Variants in TTC27 observed in about 807,000 individuals in gnomAD.
TTC27 encodes the protein tetratricopeptide repeat protein 27.
A neutral mutation model predicts 115.9 loss-of-function variants in TTC27; 79 were observed. That is an observed-to-expected ratio of 0.68 (90% CI 0.57 to 0.82). TTC27 has a LOEUF of 0.82. Ranked by LOEUF, TTC27 falls within the 40% of genes least tolerant of loss-of-function variation. The pLI is 0.00. For missense variants in TTC27, 1,054 were observed against 993.1 expected (o/e 1.06, Z -0.82); for synonymous variants, 401 against 356.0 (o/e 1.13, Z -1.42).
At chr2:32,709,710 G>A (rs77604433) in intron 10 of TTC27, among the ~76,000 whole-genome samples, 1,911 of 152,248 alleles carry the variant, frequency 0.013, 47 homozygotes, top group African/African-American at 0.044. Context: ...CTCAGGCTAG[G>A]TGCTCTGTAG....
At chr2:32,819,132 T>A (rs937286494) in intron 19 of TTC27, among the ~76,000 whole-genome samples, 15 of 152,248 alleles carry the variant, frequency 9.9e-5, no homozygotes, top group Admixed American at 9.8e-4. Flanking sequence ...TTCTTCAGGG[T>A]ATACTGTGGC....
chr2:32,697,953 G>A (rs1572525248), intron 9 of TTC27, among the ~76,000 whole-genome samples: 1 of 152,046 alleles, frequency 6.6e-6, no homozygotes, highest in South Asian at 2.1e-4. Flanking sequence ...GGGTTTCACT[G>A]TGTTGGCCAG....
rs563759771 is a variant in TTC27, at chr2:32,754,796, G to A, written c.1453-3496G>A. Among the ~76,000 whole-genome samples the A allele has an allele frequency of 3.4e-5, 5 of 145,666 alleles. 1 individual carries two copies. In the South Asian group the frequency reaches 6.9e-4, roughly 20 times the overall value. On this transcript the variant is annotated intron_variant, in intron 12 of 19. Transcript: ENST00000317907. The stretch of plus-strand genomic sequence containing the variant: ...GGCTGACCTCCCCCACCTCCCTCCC[G>A]GACGGGGCGGCTGGCTGGGCGGGGG...
intron 16 of TTC27, among the ~76,000 whole-genome samples, chr2:32,800,944 T>C (rs184415896): frequency 1.4e-4 from 21 of 152,310 alleles, no homozygotes; most frequent in Admixed American, 5.2e-4. Context: ...CAAAAAGCCA[T>C]ACTTCTAAGG....
At chr2:32,685,327 G>A (rs1361363560) in intron 9 of TTC27, among the ~76,000 whole-genome samples, 1 of 152,056 alleles carries the variant, frequency 6.6e-6, no homozygotes, top group Non-Finnish European at 1.5e-5. Flanking sequence ...ACTGCGCCCA[G>A]CCTGCCTGTT....
At chr2:32,809,119 T>C (rs894254950) in intron 16 of TTC27, among the ~76,000 whole-genome samples, 1 of 152,238 alleles carries the variant, frequency 6.6e-6, no homozygotes, top group African/African-American at 2.4e-5. Context: ...ATTAAGACCA[T>C]GAATCTGAGT....
chr2:32,803,588 C>T (rs992696653), intron 16 of TTC27, among the ~76,000 whole-genome samples: 3 of 152,126 alleles, frequency 2.0e-5, no homozygotes, highest in African/African-American at 7.2e-5. Flanking sequence ...TTAACTTTCT[C>T]TTTTTTCAAG....
At chr2:32,652,724 A>G (rs1240089799) in intron 5 of TTC27, among the ~76,000 whole-genome samples, 1 of 152,174 alleles carries the variant, frequency 6.6e-6, no homozygotes, top group Non-Finnish European at 1.5e-5. Flanking sequence ...GCATGATTTC[A>G]TTTTTAAAAT....
At chr2:32,645,970 C>A (rs1664840769) in intron 4 of TTC27, among the ~76,000 whole-genome samples, 1 of 151,870 alleles carries the variant, frequency 6.6e-6, no homozygotes. Context: ...CTGCTTGCCT[C>A]AGCCTCCCAA....
At chr2:32,805,761 T>C (rs1671111108) in intron 16 of TTC27, among the ~76,000 whole-genome samples, 1 of 152,208 alleles carries the variant, frequency 6.6e-6, no homozygotes, top group South Asian at 2.1e-4. Flanking sequence ...TTGTAATAGT[T>C]TATATGTTTA....
chr2:32,720,761 T>G (rs770339368), intron 10 of TTC27, among the ~76,000 whole-genome samples: 4 of 152,258 alleles, frequency 2.6e-5, no homozygotes, highest in Non-Finnish European at 4.4e-5. Flanking sequence ...ATATGTTCAC[T>G]CTGTATTTTT....
chr2:32,738,483 C>T (rs1355139666), intron 12 of TTC27, among the ~76,000 whole-genome samples: 1 of 152,158 alleles, frequency 6.6e-6, no homozygotes. Flanking sequence ...CAATTGATGG[C>T]ATCTTCCATT....
intron 9 of TTC27, among the ~76,000 whole-genome samples, chr2:32,701,279 C>G (rs1189925824): frequency 3.3e-5 from 5 of 152,288 alleles, no homozygotes; most frequent in African/African-American, 1.2e-4. Context: ...ACTCCTCTTC[C>G]TTCACCATCT....
Position 32,777,893 on chromosome 2 carries a change from G to A in TTC27, c.1692G>A (p.Trp564Ter), listed in dbSNP as rs778891641. ...VKINPMQLGV[W>*]FSLGCAYLAL... is the part of the protein sequence containing the mutation. The stretch of plus-strand genomic sequence containing the variant: ...TTTGGTCTTTGCAGCTCGGGGTGTG[G>A]TTTTCTCTCGGTTGTGCCTATTTGG... Residue 564 changes from tryptophan to a stop codon, truncating the protein, a stop_gained, in exon 14 of 20, where the codon TGG becomes TGA. Coordinates refer to ENST00000317907, the MANE Select transcript of TTC27 (RefSeq NM_017735.5). LOFTEE classifies it high-confidence loss of function. 1 of 1,613,994 alleles carries A rather than the reference G, an allele frequency of 6.2e-7. No individual in the cohort carries two copies. The highest frequency in any genetic ancestry group is 8.5e-7 in the Non-Finnish European group (1 of 1,179,958).
intron 14 of TTC27, among the ~76,000 whole-genome samples, chr2:32,778,596 T>G (rs1670075045): frequency 1.3e-5 from 2 of 152,230 alleles, no homozygotes; most frequent in African/African-American, 2.4e-5. Flanking sequence ...GGATTCATAC[T>G]TTTTGTGGGC....
At chr2:32,727,015 C>T (rs1668132326) in intron 10 of TTC27, among the ~76,000 whole-genome samples, 1 of 152,016 alleles carries the variant, frequency 6.6e-6, no homozygotes, top group Admixed American at 6.6e-5. Context: ...AAAACTTGCC[C>T]CCGTGATTCA....
At chr2:32,667,246 G>C (rs748457460) in intron 7 of TTC27, among the ~76,000 whole-genome samples, 1 of 151,738 alleles carries the variant, frequency 6.6e-6, no homozygotes, top group East Asian at 1.9e-4. Flanking sequence ...GTCATTATTG[G>C]GGGGGTGGTT....
chr2:32,788,323 A>G (rs1046652120), intron 16 of TTC27, among the ~76,000 whole-genome samples: 1 of 152,084 alleles, frequency 6.6e-6, no homozygotes, highest in Non-Finnish European at 1.5e-5. Context: ...AGAATCACAC[A>G]CTGTCAGAGC....
intron 7 of TTC27, among the ~76,000 whole-genome samples, chr2:32,668,454 A>C (rs1451372872): frequency 6.6e-6 from 1 of 151,248 alleles, no homozygotes; most frequent in African/African-American, 2.4e-5. Context: ...ATGTATGAAA[A>C]TGATGTACCA....
Sources: gnomAD v4.1 joint callset for allele counts (sites outside exome capture counted in the v4.1 genomes callset) on GRCh38, gnomAD v4.1.1 for gene constraint, MANE v1.5 for transcripts, NCBI Gene and HGNC (gene_info 2026-07-23, HGNC 2026-07-21) for gene names.